The following NAV3 variants were observed in gnomAD, a reference collection of about 807,000 sequenced individuals.
NAV3 encodes the protein pore membrane and/or filament interacting like protein 1.
A neutral mutation model predicts 244.7 loss-of-function variants in NAV3; 87 were observed. The observed-to-expected ratio is 0.36, with a 90% CI of 0.30 to 0.42. NAV3 has a LOEUF of 0.42. Among genes scored for constraint, NAV3 ranks in the 20% least tolerant of loss-of-function variants. The pLI, the probability that NAV3 is intolerant of heterozygous loss-of-function variation, is 1.00. For missense variants in NAV3, 2,663 were observed against 2,893.3 expected (o/e 0.92, Z 1.83); for synonymous variants, 1,126 against 1,042.2 (o/e 1.08, Z -1.55).
At chr12:77,706,870 C>CAAAAAAAAAAAAAA (rs34067727) in intron 2 of NAV3, among the ~76,000 whole-genome samples, 8 of 68,034 alleles carry the variant, frequency 1.2e-4, no homozygotes, top group Non-Finnish European at 1.7e-4. Flanking sequence ...GACTCTGTTT[C>CAAAAAAAAAAAAAA]AAAAAAAAAA....
At position 77,998,475 on chromosome 12, in the gene NAV3, A is replaced by G. The variant is rs747060237; in HGVS notation, c.879A>G (p.Lys293=). The change falls in exon 7 of 40, where the codon AAA becomes AAG. Residue 293 remains lysine (K), a splice_region_variant and synonymous_variant. Transcript: ENST00000397909. The stretch of plus-strand genomic sequence containing the variant: ...CAAATTATGCAAATGGAAACGAAAA[A>G]GGTAAGTGTTTGTTACATCATTATG... The part of the protein sequence containing the change: ...KPPNYANGNE[K]DSSKGPQSSS... 9 of 1,601,528 alleles carry G rather than the reference A, an allele frequency of 5.6e-6. No individual in the cohort carries two copies. The highest frequency in any genetic ancestry group is 7.7e-6 in the Non-Finnish European group (9 of 1,175,486).
chr12:77,845,749 G>A (rs1876522347), intron 1 of NAV3, among the ~76,000 whole-genome samples: 1 of 151,296 alleles, frequency 6.6e-6, no homozygotes, highest in South Asian at 2.1e-4. Flanking sequence ...CGCCTCCTGG[G>A]TTCAAGTGAT....
chr12:77,681,204 C>G (rs1448347802), intron 2 of NAV3, among the ~76,000 whole-genome samples: 1 of 152,146 alleles, frequency 6.6e-6, no homozygotes, highest in African/African-American at 2.4e-5. Flanking sequence ...CTCCAACTTA[C>G]TTCATCTCCC....
At chr12:77,837,421 CAA>C (rs1874847278) in intron 1 of NAV3, among the ~76,000 whole-genome samples, 1 of 151,818 alleles carries the variant, frequency 6.6e-6, no homozygotes, top group Non-Finnish European at 1.5e-5. Context: ...TAATATTAAC[CAA>C]TGGTTAGAGA....
At chr12:78,016,619 T>C (rs546840351) in intron 8 of NAV3, among the ~76,000 whole-genome samples, 1 of 152,312 alleles carries the variant, frequency 6.6e-6, no homozygotes, top group African/African-American at 2.4e-5. Context: ...TTTTGAAAGA[T>C]ATGTGCTTTT....
chr12:78,147,204 T>G (rs1956897186), intron 21 of NAV3, among the ~76,000 whole-genome samples: 1 of 152,126 alleles, frequency 6.6e-6, no homozygotes, highest in Non-Finnish European at 1.5e-5. Flanking sequence ...CAATTTGTCT[T>G]TATAATCTCT....
At chr12:77,615,627 G>A (rs1214443566) in intron 2 of NAV3, among the ~76,000 whole-genome samples, 1 of 152,126 alleles carries the variant, frequency 6.6e-6, no homozygotes, top group African/African-American at 2.4e-5. Context: ...CCGTTGATGG[G>A]CATCTTTATT....
At chr12:77,607,757 T>C (rs570731343) in intron 2 of NAV3, among the ~76,000 whole-genome samples, 2 of 152,216 alleles carry the variant, frequency 1.3e-5, no homozygotes, top group South Asian at 4.1e-4. Context: ...CCAGACTGCC[T>C]TGCAAAATCA....
chr12:77,650,773 A>C (rs184649127), intron 2 of NAV3, among the ~76,000 whole-genome samples: 12 of 152,174 alleles, frequency 7.9e-5, no homozygotes, highest in Admixed American at 6.5e-4. Flanking sequence ...TAATGACTTA[A>C]ATTTCCTTTT....
chr12:78,108,142 G>A (rs1338864311), intron 12 of NAV3, among the ~76,000 whole-genome samples: 2 of 152,088 alleles, frequency 1.3e-5, no homozygotes, highest in African/African-American at 4.8e-5. Flanking sequence ...AAGCAATAGT[G>A]AGCAGGAGTA....
intron 2 of NAV3, among the ~76,000 whole-genome samples, chr12:77,823,098 C>T (rs994039040): frequency 1.3e-5 from 2 of 152,100 alleles, no homozygotes; most frequent in Non-Finnish European, 2.9e-5. Flanking sequence ...TACAACTGTG[C>T]TAGTTGACTT....
chr12:77,916,359 T>A (rs1446014383), intron 1 of NAV3, among the ~76,000 whole-genome samples: 1 of 120,490 alleles, frequency 8.3e-6, no homozygotes, highest in South Asian at 3.3e-4. Context: ...AGACTAAACA[T>A]AAGTCTCTTT....
chr12:78,122,028 A>T lies in NAV3; in HGVS notation c.3838A>T (p.Thr1280Ser), dbSNP rs952986182. The stretch of plus-strand genomic sequence containing the variant: ...TTCCTCAGTAATGCCCAGCCCTAGT[A>T]CCACATTAGCGCGGCAAGGCAGTCT... ...KSSSVMPSPSTTLARQGSLES... is the reference protein window; with the variant it reads ...KSSSVMPSPSSTLARQGSLES... The change falls in exon 16 of 40, where the codon ACC becomes TCC. Residue 1280 changes from threonine (T) to serine (S), a missense_variant. Physicochemically the swap from Thr to Ser is moderately conservative, Grantham distance 58. Transcript: ENST00000397909. The T allele has an allele frequency of 6.2e-7, 1 of 1,614,090 alleles. No individual in the cohort carries two copies. The highest frequency in any genetic ancestry group is 1.3e-5 in the African/African-American group (1 of 74,926).
chr12:77,896,950 T>A (rs2136850886), intron 1 of NAV3, among the ~76,000 whole-genome samples: 1 of 152,266 alleles, frequency 6.6e-6, no homozygotes, highest in Non-Finnish European at 1.5e-5. Flanking sequence ...GACTCTTCAA[T>A]CCCTCACCCT....
intron 1 of NAV3, among the ~76,000 whole-genome samples, chr12:77,868,780 A>T (rs928641133): frequency 1.3e-5 from 2 of 151,070 alleles, no homozygotes; most frequent in South Asian, 2.1e-4. Flanking sequence ...AAGAAAAAAA[A>T]ACTTAGAGGC....
Position 78,036,920 on chromosome 12 carries a change from A to G in NAV3, c.2024-13073A>G, listed in dbSNP as rs778492356. On this transcript the variant is annotated intron_variant, in intron 9 of 39. Transcript: ENST00000397909. ...GGAGCAAAGAAGTAAGGAGAAAGGGAGCTTGCCTTCAGAAACAAAAGTCTC... is the reference window on the plus strand; with the variant it reads ...GGAGCAAAGAAGTAAGGAGAAAGGGGGCTTGCCTTCAGAAACAAAAGTCTC... 6 of 702,982 alleles carry G rather than the reference A, an allele frequency of 8.5e-6. No homozygotes were observed. In the South Asian group the frequency reaches 8.9e-5, roughly 10 times the overall value. The allele number at this position is 702,982 out of a possible 1,614,324, so 43.5% of individuals were successfully genotyped here.
At chr12:77,902,189 A>G (rs1036562113) in intron 1 of NAV3, among the ~76,000 whole-genome samples, 1 of 152,200 alleles carries the variant, frequency 6.6e-6, no homozygotes, top group African/African-American at 2.4e-5. Context: ...TTACTTAATC[A>G]TCTGTAATCA....
intron 12 of NAV3, among the ~76,000 whole-genome samples, chr12:78,083,257 A>G (rs893153413): frequency 2.0e-5 from 3 of 152,100 alleles, no homozygotes; most frequent in African/African-American, 7.2e-5. Context: ...TTAACCCACT[A>G]ATCTATGAGT....
chr12:78,118,110 T>A lies in NAV3; in HGVS notation c.2853T>A (p.Phe951Leu), dbSNP rs1955502550. Residue 951 changes from phenylalanine to leucine, a missense_variant, in exon 14 of 40, where the codon TTT becomes TTA. By Grantham distance (22) the Phe-to-Leu change is conservative. Transcript: ENST00000397909. ...PEELKKPEEDFDSHGDAGGKW... is the reference protein window; with the variant it reads ...PEELKKPEEDLDSHGDAGGKW... ...AACTGAAAAAACCAGAAGAAGATTT[T>A]GACAGCCATGGGGATGCTGGTGGCA... 1 of 1,613,944 alleles carries A rather than the reference T, an allele frequency of 6.2e-7. No homozygotes were observed. The highest frequency in any genetic ancestry group is 1.3e-5 in the African/African-American group (1 of 74,900).
Sources: allele counts gnomAD v4.1 joint callset (sites outside exome capture counted in the v4.1 genomes callset), GRCh38; gene constraint gnomAD v4.1.1; transcripts MANE v1.5; gene names NCBI Gene and HGNC (gene_info 2026-07-23, HGNC 2026-07-21).